The following TYW1B variants were observed in gnomAD, a reference collection of about 807,000 sequenced individuals.
The protein encoded by TYW1B is S-adenosyl-L-methionine-dependent tRNA 4-demethylwyosine synthase TYW1B.
Under a neutral mutation model 86.9 loss-of-function variants are expected in TYW1B, and 73 were observed. The ratio of observed to expected loss-of-function variants is 0.84; its 90% CI spans 0.70 to 1.02. The LOEUF (loss-of-function observed/expected upper bound fraction) is 1.02, where lower values mean the gene tolerates loss of function less well. Among genes scored for constraint, TYW1B ranks in the 50% least tolerant of loss-of-function variants. The pLI is 0.00. For missense variants in TYW1B, 637 were observed against 827.4 expected (o/e 0.77, Z 2.82); for synonymous variants, 248 against 292.8 (o/e 0.85, Z 1.56).
chr7:72,678,655 C>T (rs1461233318), intron 11 of TYW1B, among the ~76,000 whole-genome samples: 3 of 127,482 alleles, frequency 2.4e-5, no homozygotes, highest in Non-Finnish European at 3.2e-5. Context: ...GATGGAAACT[C>T]GCTCAGCCGC....
chr7:72,708,450 C>T (rs1407454461), intron 10 of TYW1B, among the ~76,000 whole-genome samples: 8 of 152,166 alleles, frequency 5.3e-5, no homozygotes, highest in African/African-American at 1.9e-4. Context: ...TCTTGTTTCT[C>T]TCTTCTTTAA....
At chr7:72,671,044 T>A (rs1196996871) in intron 11 of TYW1B, among the ~76,000 whole-genome samples, 1 of 152,162 alleles carries the variant, frequency 6.6e-6, no homozygotes, top group Non-Finnish European at 1.5e-5. Context: ...TAATATCTGG[T>A]AAAAGTTCTT....
At chr7:72,781,135 T>C (rs1181406050) in intron 6 of TYW1B, among the ~76,000 whole-genome samples, 1 of 152,090 alleles carries the variant, frequency 6.6e-6, no homozygotes, top group Non-Finnish European at 1.5e-5. Context: ...TGTATTTCAG[T>C]TGCCATGAAC....
chr7:72,719,803 A>C (rs549456964), intron 9 of TYW1B, among the ~76,000 whole-genome samples: 3 of 152,120 alleles, frequency 2.0e-5, no homozygotes, highest in African/African-American at 7.2e-5. Context: ...GAGGTGAGGG[A>C]GTAGGCCAAG....
chr7:72,806,235 G>GT (rs1788492070), intron 5 of TYW1B, among the ~76,000 whole-genome samples: 3 of 90,036 alleles, frequency 3.3e-5, no homozygotes, highest in South Asian at 4.4e-4. Context: ...GTGTGTGTGT[G>GT]GGTTTTTTTT....
At chr7:72,745,698 T>C (rs1432539845) in intron 7 of TYW1B, among the ~76,000 whole-genome samples, 5 of 151,910 alleles carry the variant, frequency 3.3e-5, no homozygotes, top group African/African-American at 7.3e-5. Context: ...GAAATCAATG[T>C]CATTCCCCAC....
intron 6 of TYW1B, among the ~76,000 whole-genome samples, chr7:72,794,509 T>C (rs1198755307): frequency 2.0e-5 from 3 of 151,854 alleles, no homozygotes; most frequent in Non-Finnish European, 4.4e-5. Flanking sequence ...TGAGCTGAGA[T>C]TGTGCCACTG....
intron 7 of TYW1B, among the ~76,000 whole-genome samples, chr7:72,767,905 A>G (rs184090966): frequency 8.5e-5 from 13 of 152,230 alleles, no homozygotes; most frequent in Non-Finnish European, 1.8e-4. Context: ...ACCTCACACC[A>G]TTCATAAAAA....
chr7:72,659,950 T>C (rs1554444233), intron 11 of TYW1B, among the ~76,000 whole-genome samples: 1 of 152,056 alleles, frequency 6.6e-6, no homozygotes, highest in South Asian at 2.1e-4. Context: ...CAGGGGTCAG[T>C]TAACTTTTTC....
chr7:72,614,548 G>A (rs782042258), intron 13 of TYW1B, among the ~76,000 whole-genome samples: 4 of 151,786 alleles, frequency 2.6e-5, no homozygotes, highest in South Asian at 2.1e-4. Flanking sequence ...CAGGAGAATC[G>A]CTTGAAGGGA....
At chr7:72,756,324 T>C (rs893182775) in intron 7 of TYW1B, among the ~76,000 whole-genome samples, 1 of 151,844 alleles carries the variant, frequency 6.6e-6, no homozygotes, top group Non-Finnish European at 1.5e-5. Flanking sequence ...AACCTCCGCC[T>C]CCCGGGTTCA....
intron 13 of TYW1B, among the ~76,000 whole-genome samples, chr7:72,615,270 T>C (rs1812042217): frequency 1.3e-5 from 2 of 152,254 alleles, no homozygotes; most frequent in Admixed American, 1.3e-4. Flanking sequence ...TAAATTGTCC[T>C]GTTTTAAATG....
rs559331600 is a variant in TYW1B at position 72,619,369 on chromosome 7, C to T, written c.1618-2530G>A. ...TCAAGAAATCATTACGGGCCGGGCG[C>T]GGTGGCTCACGCCTGTAATCCCAGC... On this transcript the variant is annotated intron_variant, in intron 12 of 13. Coordinates refer to ENST00000620995, the MANE Select transcript of TYW1B (RefSeq NM_001145440.3). Among the ~76,000 whole-genome samples the T allele has an allele frequency of 9.9e-5, 15 of 152,208 alleles. No homozygotes were observed. The East Asian group carries it at 1.2e-3, about 12-fold the overall frequency.
chr7:72,617,053 T>C (rs1304030672), intron 12 of TYW1B, among the ~76,000 whole-genome samples: 2 of 152,226 alleles, frequency 1.3e-5, no homozygotes, highest in Non-Finnish European at 2.9e-5. Flanking sequence ...TGCTACTCTA[T>C]GACATTGCTG....
At chr7:72,669,654 C>T (rs1428537798) in intron 11 of TYW1B, among the ~76,000 whole-genome samples, 1 of 151,888 alleles carries the variant, frequency 6.6e-6, no homozygotes, top group Non-Finnish European at 1.5e-5. Context: ...CCTGTAGTCC[C>T]AGCTACTTGG....
chr7:72,576,091 G>T (rs1811015935), intron 13 of TYW1B, among the ~76,000 whole-genome samples: 1 of 152,200 alleles, frequency 6.6e-6, no homozygotes, highest in Non-Finnish European at 1.5e-5. Flanking sequence ...AATTTTCAAG[G>T]CTGTGTTAAC....
intron 4 of TYW1B, among the ~76,000 whole-genome samples, chr7:72,807,620 T>C (rs1788523338): frequency 6.6e-6 from 1 of 152,014 alleles, no homozygotes; most frequent in Non-Finnish European, 1.5e-5. Flanking sequence ...AAATGAAGGG[T>C]TAATGACTAA....
At chr7:72,769,349 A>G (rs1317104547) in intron 7 of TYW1B, among the ~76,000 whole-genome samples, 1 of 152,212 alleles carries the variant, frequency 6.6e-6, no homozygotes, top group Non-Finnish European at 1.5e-5. Context: ...TGTAGACTAT[A>G]AGCTGACATG....
At chr7:72,656,938 GC>G (rs1813219217) in intron 11 of TYW1B, among the ~76,000 whole-genome samples, 2 of 152,170 alleles carry the variant, frequency 1.3e-5, no homozygotes, top group Admixed American at 1.3e-4. Context: ...CTTCCACCAG[GC>G]CCCACCTCCA....
Sources: gnomAD v4.1 joint callset for allele counts (sites outside exome capture counted in the v4.1 genomes callset) on GRCh38, gnomAD v4.1.1 for gene constraint, MANE v1.5 for transcripts, NCBI Gene and HGNC (gene_info 2026-07-23, HGNC 2026-07-21) for gene names.